The following ME3 variants were observed in gnomAD, a reference collection of about 807,000 sequenced individuals.
The protein encoded by ME3 is malic enzyme 3.
In ME3, 48 loss-of-function variants were observed where a neutral mutation model predicts 68.9. The ratio of observed to expected loss-of-function variants is 0.70; its 90% confidence interval spans 0.55 to 0.89. ME3 has a LOEUF of 0.89. Among genes scored for constraint, ME3 ranks in the 40% least tolerant of loss-of-function variants. ME3 has a pLI of 0.00. For missense variants in ME3, 675 were observed against 797.4 expected, an observed-to-expected ratio of 0.85 and a Z score of 1.85; for synonymous variants, 320 against 318.8, an observed-to-expected ratio of 1.00 and a Z score of -0.04.
At chr11:86,635,697 T>C (rs1340080878) in intron 2 of ME3, among the ~76,000 whole-genome samples, 1 of 152,242 alleles carries the variant, frequency 6.6e-6, no homozygotes, top group Non-Finnish European at 1.5e-5. Context: ...TCCAGAACCA[T>C]GTTCTTGGAC....
intron 4 of ME3, among the ~76,000 whole-genome samples, chr11:86,519,976 A>G (rs1314548532): frequency 6.6e-6 from 1 of 152,236 alleles, no homozygotes; most frequent in Non-Finnish European, 1.5e-5. Flanking sequence ...GTGGTGGTTC[A>G]CTCATAATCC....
intron 4 of ME3, 45 bp from the exon 5 acceptor site, chr11:86,508,912 G>A: frequency 6.7e-7 from 1 of 1,503,086 alleles, no homozygotes. Context: ...CAGGCAGTCA[G>A]ATTAGGAACT....
intron 2 of ME3, among the ~76,000 whole-genome samples, chr11:86,597,018 G>T (rs1959600331): frequency 6.6e-6 from 1 of 152,218 alleles, no homozygotes; most frequent in Non-Finnish European, 1.5e-5. Flanking sequence ...GAGAAGTCCA[G>T]CAAAAGACAG....
At chr11:86,647,536 C>T (rs559956418) in intron 2 of ME3, among the ~76,000 whole-genome samples, 66 of 150,462 alleles carry the variant, frequency 4.4e-4, no homozygotes, top group Non-Finnish European at 5.9e-4. Context: ...CACACATAGG[C>T]TCAGAATAAA....
At chr11:86,595,304 TATAGAG>T (rs67320993) in intron 2 of ME3, among the ~76,000 whole-genome samples, 33,766 of 94,164 alleles carry the variant, frequency 0.36, 6,402 homozygotes, top group Middle Eastern at 0.46. Flanking sequence ...TATATATATA[TATAGAG>T]AGAGAGAGAG....
chr11:86,457,764 T>C lies in ME3; in HGVS notation c.919+7327A>G, dbSNP rs1363448039. ...TGAAAGTGTGGCAGGTTGTTCCTAT[T>C]CATGGTAAAAGAAAAAGAAGTTTTT... On this transcript the variant is annotated intron_variant, in intron 8 of 14. Transcript: ENST00000543262. The C allele has an allele frequency of 4.7e-6, 6 of 1,270,924 alleles. No homozygotes were observed. The South Asian group carries it at 6.3e-5, about 13-fold the overall frequency. 78.7% of individuals were successfully genotyped at this position (1,270,924 alleles called of 1,614,324 possible).
chr11:86,640,050 A>G, intron 2 of ME3, among the ~76,000 whole-genome samples: 1 of 152,230 alleles, frequency 6.6e-6, no homozygotes, highest in East Asian at 1.9e-4. Context: ...TAGCCACTCT[A>G]CAGCTAAGGT....
At chr11:86,500,132 G>T (rs1952620949) in intron 5 of ME3, among the ~76,000 whole-genome samples, 1 of 152,090 alleles carries the variant, frequency 6.6e-6, no homozygotes, top group Non-Finnish European at 1.5e-5. Context: ...TAGAGACTAT[G>T]CCCTCATGCT....
chr11:86,583,416 T>G (rs564733959), intron 2 of ME3, among the ~76,000 whole-genome samples: 1 of 152,314 alleles, frequency 6.6e-6, no homozygotes, highest in East Asian at 1.9e-4. Flanking sequence ...GGTTATCAAA[T>G]AAAGTGATGC....
exon 15 of ME3, chr11:86,441,314 A>G: frequency 6.2e-7 from 1 of 1,609,034 alleles, no homozygotes; most frequent in Non-Finnish European, 8.5e-7. Context: ...TCCTTGGGCC[A>G]AGTGTAGCTG....
At chr11:86,445,478 A>T (rs1248757428) in intron 13 of ME3, among the ~76,000 whole-genome samples, 1 of 152,270 alleles carries the variant, frequency 6.6e-6, no homozygotes, top group African/African-American at 2.4e-5. Context: ...AAGGAAATGC[A>T]GAAGGATGTT....
intron 2 of ME3, among the ~76,000 whole-genome samples, chr11:86,595,470 G>T (rs140755868): frequency 6.6e-6 from 1 of 151,354 alleles, no homozygotes; most frequent in Admixed American, 6.6e-5. Context: ...ATAAAGCCAG[G>T]ATCTGATCCC....
intron 2 of ME3, among the ~76,000 whole-genome samples, chr11:86,603,419 G>C (rs969994056): frequency 6.6e-6 from 1 of 152,178 alleles, no homozygotes; most frequent in African/African-American, 2.4e-5. Flanking sequence ...ACACCAGTTA[G>C]AATGGCAATC....
chr11:86,559,600 GGA>G lies in ME3; in HGVS notation c.317+88_317+89del, dbSNP rs1458861995. Reference sequence around the variant, plus strand: ...TTTGGGCTCTCAGCCTTTTTTAGCTGGAGAGTTTCCAGAAAACCCTCTGTGAA... The same window carrying G: ...TTTGGGCTCTCAGCCTTTTTTAGCTGGAGTTTCCAGAAAACCCTCTGTGAA... On this transcript the variant is annotated intron_variant, in intron 3 of 14. Transcript: ENST00000543262. 1.3e-5 allele frequency: 18 copies of G among 1,438,238 alleles called. No homozygotes were observed. The African/African-American group carries it at 2.6e-4, about 20-fold the overall frequency. 89.1% of individuals were successfully genotyped at this position (1,438,238 alleles called of 1,614,324 possible).
chr11:86,506,745 A>C (rs1953107184), intron 5 of ME3, among the ~76,000 whole-genome samples: 1 of 152,206 alleles, frequency 6.6e-6, no homozygotes, highest in Non-Finnish European at 1.5e-5. Context: ...TCCTATGTCC[A>C]AGTTTTCCCC....
chr11:86,524,361 A>G (rs1245942883), intron 4 of ME3, among the ~76,000 whole-genome samples: 1 of 152,232 alleles, frequency 6.6e-6, no homozygotes, highest in Non-Finnish European at 1.5e-5. Context: ...GGAGAGAAAA[A>G]CATCCTATCT....
intron 13 of ME3, 126 bp downstream of exon 13, chr11:86,446,188 C>T: frequency 8.9e-7 from 1 of 1,118,080 alleles, no homozygotes; most frequent in Non-Finnish European, 1.3e-6. Context: ...GAGGTTTAAG[C>T]ACTTTGGGAA....
At chr11:86,615,043 G>A (rs143238980) in intron 2 of ME3, among the ~76,000 whole-genome samples, 1 of 152,218 alleles carries the variant, frequency 6.6e-6, no homozygotes, top group Non-Finnish European at 1.5e-5. Flanking sequence ...AAAATATCAC[G>A]GAGTATGAAA....
chr11:86,499,573 T>C (rs1320938125), intron 5 of ME3, among the ~76,000 whole-genome samples: 2 of 152,198 alleles, frequency 1.3e-5, no homozygotes, highest in Non-Finnish European at 2.9e-5. Context: ...GTTTATGATC[T>C]GGTACCCAAA....
Sources: allele counts gnomAD v4.1 joint callset (sites outside exome capture counted in the v4.1 genomes callset), GRCh38; gene constraint gnomAD v4.1.1; transcripts MANE v1.5; gene names NCBI Gene and HGNC (gene_info 2026-07-23, HGNC 2026-07-21).